Variants in SORCS1 observed in about 807,000 individuals in gnomAD.
The protein encoded by SORCS1 is VPS10 domain-containing receptor SorCS1.
A neutral mutation model predicts 146.1 loss-of-function variants in SORCS1; 60 were observed. The observed-to-expected ratio is 0.41, with a 90% CI of 0.33 to 0.51. The LOEUF is 0.51. Among genes scored for constraint, SORCS1 ranks in the 20% least tolerant of loss-of-function variants. SORCS1 has a pLI of 0.21. For synonymous variants in SORCS1, 637 were observed against 584.0 expected (o/e 1.09, Z -1.31); for missense variants, 1,352 against 1,487.6 (o/e 0.91, Z 1.50).
chr10:106,588,860 C>CAAAAAAA (rs778852501), intron 24 of SORCS1, among the ~76,000 whole-genome samples: 7 of 35,114 alleles, frequency 2.0e-4, no homozygotes, highest in Admixed American at 7.2e-4. Flanking sequence ...GACTCCATCT[C>CAAAAAAA]AAAAAAAAAA....
At chr10:106,802,200 A>G (rs1358751539) in intron 3 of SORCS1, among the ~76,000 whole-genome samples, 1 of 152,240 alleles carries the variant, frequency 6.6e-6, no homozygotes, top group Non-Finnish European at 1.5e-5. Flanking sequence ...CAGAATCAGA[A>G]GAAATGTTTA....
At chr10:107,050,993 T>C (rs1960054545) in intron 1 of SORCS1, among the ~76,000 whole-genome samples, 1 of 152,120 alleles carries the variant, frequency 6.6e-6, no homozygotes, top group African/African-American at 2.4e-5. Context: ...TAAAGTTTTC[T>C]TCCTTCTTTC....
chr10:107,103,717 GCCA>G (rs1965108229), intron 1 of SORCS1, among the ~76,000 whole-genome samples: 2 of 152,122 alleles, frequency 1.3e-5, no homozygotes, highest in Admixed American at 1.3e-4. Context: ...AATGAAATAT[GCCA>G]TCTGCATTGT....
At chr10:107,151,592 C>A (rs2134824955) in intron 1 of SORCS1, among the ~76,000 whole-genome samples, 1 of 152,282 alleles carries the variant, frequency 6.6e-6, no homozygotes, top group East Asian at 1.9e-4. Context: ...ACAGGAAAGA[C>A]CAACCCCCAT....
rs1043751464 is a variant in SORCS1 at position 106,874,961 on chromosome 10, T to C, written c.627-45288A>G. On this transcript the variant is annotated intron_variant, in intron 2 of 25. Transcript: ENST00000263054. ...GTTTTGCTTTGTTTTTATTTTTTAA[T>C]GTATTATTTTATTTAAATAGCTTTT... 3.9e-5 allele frequency among the ~76,000 whole-genome samples: 6 copies of C among 152,348 alleles called. No homozygotes were observed. In the East Asian group the frequency reaches 1.2e-3, roughly 29 times the overall value.
chr10:106,843,501 G>A (rs1019376959), intron 2 of SORCS1, among the ~76,000 whole-genome samples: 2 of 133,248 alleles, frequency 1.5e-5, no homozygotes, highest in African/African-American at 2.9e-5. Flanking sequence ...GCGCGATCTC[G>A]GCTCACTGCA....
At chr10:106,721,277 TA>T (rs1438082333) in intron 6 of SORCS1, among the ~76,000 whole-genome samples, 1 of 151,652 alleles carries the variant, frequency 6.6e-6, no homozygotes, top group South Asian at 2.1e-4. Flanking sequence ...ATAAATTGAC[TA>T]AAAAAAAGAT....
At chr10:107,084,219 C>T (rs1373293003) in intron 1 of SORCS1, among the ~76,000 whole-genome samples, 3 of 151,020 alleles carry the variant, frequency 2.0e-5, no homozygotes, top group African/African-American at 7.3e-5. Flanking sequence ...CCTCAGCCTC[C>T]CAAGTATCTG....
chr10:107,032,706 G>GC (rs1958717710), intron 1 of SORCS1, among the ~76,000 whole-genome samples: 1 of 152,192 alleles, frequency 6.6e-6, no homozygotes. Flanking sequence ...AGCATCTAAT[G>GC]CCGCAGGGAA....
intron 5 of SORCS1, among the ~76,000 whole-genome samples, chr10:106,741,159 C>G (rs997119967): frequency 7.2e-5 from 11 of 152,142 alleles, no homozygotes; most frequent in Non-Finnish European, 1.0e-4. Context: ...CAAAGTCATA[C>G]CACTCAGAGT....
chr10:106,784,469 A>T (rs1945958841), intron 3 of SORCS1, among the ~76,000 whole-genome samples: 1 of 152,086 alleles, frequency 6.6e-6, no homozygotes, highest in South Asian at 2.1e-4. Context: ...TGTTTTTATT[A>T]TTGCAGTCAC....
intron 9 of SORCS1, 125 bp from the exon 10 acceptor site, chr10:106,688,463 A>T: frequency 9.4e-7 from 1 of 1,061,766 alleles, no homozygotes; most frequent in Non-Finnish European, 1.3e-6. Flanking sequence ...AGAAAGGTTG[A>T]CGATGGGGGA....
intron 21 of SORCS1, among the ~76,000 whole-genome samples, chr10:106,615,256 A>G (rs1325214010): frequency 6.6e-6 from 1 of 152,182 alleles, no homozygotes; most frequent in Admixed American, 6.5e-5. Flanking sequence ...AAATGTAATC[A>G]TCAAGAAAGA....
At chr10:106,994,421 T>TA (rs1224731485) in intron 1 of SORCS1, among the ~76,000 whole-genome samples, 1 of 152,072 alleles carries the variant, frequency 6.6e-6, no homozygotes, top group African/African-American at 2.4e-5. Flanking sequence ...ATCCGGGAAT[T>TA]AAAAAAATAG....
intron 2 of SORCS1, among the ~76,000 whole-genome samples, chr10:106,878,620 G>GTGTATA (rs904386657): frequency 1.2e-4 from 10 of 84,920 alleles, no homozygotes; most frequent in East Asian, 7.8e-4. Context: ...AAACTACCTA[G>GTGTATA]TATATATATA....
At chr10:106,814,734 G>A (rs1053776628) in intron 3 of SORCS1, among the ~76,000 whole-genome samples, 11 of 151,856 alleles carry the variant, frequency 7.2e-5, no homozygotes, top group Non-Finnish European at 1.2e-4. Context: ...CTAACGTGGT[G>A]AAACCGCGTC....
chr10:106,661,839 C>T (rs1292360512), intron 17 of SORCS1, among the ~76,000 whole-genome samples: 1 of 152,254 alleles, frequency 6.6e-6, no homozygotes, highest in African/African-American at 2.4e-5. Flanking sequence ...CAATCCCTAA[C>T]AGGCTAAGGC....
intron 1 of SORCS1, among the ~76,000 whole-genome samples, chr10:107,033,694 C>T (rs1280528251): frequency 6.6e-6 from 1 of 152,194 alleles, no homozygotes; most frequent in Non-Finnish European, 1.5e-5. Context: ...TAAATACTCC[C>T]ATTAACAGTA....
intron 1 of SORCS1, among the ~76,000 whole-genome samples, chr10:107,079,645 T>C (rs1963173310): frequency 6.6e-6 from 1 of 152,094 alleles, no homozygotes. Context: ...TGTGCCCCAA[T>C]TCCGAAAAAT....
Sources: allele counts gnomAD v4.1 joint callset (sites outside exome capture counted in the v4.1 genomes callset), GRCh38; gene constraint gnomAD v4.1.1; transcripts MANE v1.5; gene names NCBI Gene and HGNC (gene_info 2026-07-23, HGNC 2026-07-21).